The following EYS variants were observed in gnomAD, a reference collection of about 807,000 sequenced individuals.
EYS encodes the protein EGF-like photoreceptor maintenance factor.
EYS carries 250 observed loss-of-function variants against 282.1 expected under a neutral mutation model. The observed-to-expected ratio is 0.89, with a 90% confidence interval of 0.80 to 0.98. The LOEUF (loss-of-function observed/expected upper bound fraction) is 0.98, where lower values mean the gene tolerates loss of function less well. Ranked by LOEUF, EYS falls within the 50% of genes least tolerant of loss-of-function variation. The pLI, the probability that EYS is intolerant of heterozygous loss-of-function variation, is 0.00. For synonymous variants in EYS, 1,355 were observed against 1,282.9 expected, an observed-to-expected ratio of 1.06 and a Z score of -1.20; for missense variants, 4,016 against 3,709.0, an observed-to-expected ratio of 1.08 and a Z score of -2.15.
chr6:64,529,645 T>C (rs1764257081), intron 26 of EYS, among the ~76,000 whole-genome samples: 1 of 152,070 alleles, frequency 6.6e-6, no homozygotes, highest in Admixed American at 6.6e-5. Context: ...TTTTATGAGA[T>C]TGTTTTGGTA....
intron 2 of EYS, among the ~76,000 whole-genome samples, chr6:65,612,299 T>C (rs192615321): frequency 1.3e-5 from 2 of 151,496 alleles, no homozygotes; most frequent in Admixed American, 6.6e-5. Flanking sequence ...AATCAAAAGA[T>C]AATTCAGAGC....
chr6:65,056,199 G>A (rs1052012498), intron 13 of EYS, among the ~76,000 whole-genome samples: 32 of 151,792 alleles, frequency 2.1e-4, no homozygotes, highest in African/African-American at 3.1e-4. Context: ...CCATTGGCTC[G>A]CTTTGACTTA....
intron 36 of EYS, among the ~76,000 whole-genome samples, chr6:63,851,238 C>T (rs1023315203): frequency 6.6e-6 from 1 of 152,146 alleles, no homozygotes; most frequent in African/African-American, 2.4e-5. Flanking sequence ...GACTGTAACA[C>T]CCCACTGGCA....
At chr6:64,293,323 T>A (rs1450764211) in intron 30 of EYS, among the ~76,000 whole-genome samples, 1 of 152,132 alleles carries the variant, frequency 6.6e-6, no homozygotes, top group Admixed American at 6.6e-5. Flanking sequence ...GCTTTATAAC[T>A]TACTCCCTTT....
intron 2 of EYS, among the ~76,000 whole-genome samples, chr6:65,577,754 A>AC (rs903182471): frequency 5.3e-5 from 8 of 151,426 alleles, no homozygotes; most frequent in African/African-American, 1.9e-4. Flanking sequence ...CTGTTTTAAA[A>AC]AAAAAAAAAA....
At chr6:64,625,437 G>A (rs1369560073) in intron 23 of EYS, among the ~76,000 whole-genome samples, 1 of 152,152 alleles carries the variant, frequency 6.6e-6, no homozygotes, top group Non-Finnish European at 1.5e-5. Flanking sequence ...ACAAGTTGAT[G>A]ACAGATCCTG....
intron 1 of EYS, among the ~76,000 whole-genome samples, chr6:65,643,632 A>C (rs1767353995): frequency 6.6e-6 from 1 of 152,102 alleles, no homozygotes; most frequent in South Asian, 2.1e-4. Context: ...ACACAAAACC[A>C]GTGCACTGAA....
chr6:64,019,021 C>G (rs552354146), intron 33 of EYS, among the ~76,000 whole-genome samples: 5 of 152,160 alleles, frequency 3.3e-5, no homozygotes, highest in African/African-American at 1.2e-4. Flanking sequence ...GTGATCCACC[C>G]ACCTTGGCCT....
At chr6:64,381,198 C>G (rs1287709305) in intron 29 of EYS, among the ~76,000 whole-genome samples, 1 of 152,056 alleles carries the variant, frequency 6.6e-6, no homozygotes, top group Non-Finnish European at 1.5e-5. Context: ...ACTAACGGTT[C>G]TTTATACTAA....
At chr6:65,395,254 G>A (rs1582235745) in intron 7 of EYS, among the ~76,000 whole-genome samples, 1 of 152,062 alleles carries the variant, frequency 6.6e-6, no homozygotes, top group African/African-American at 2.4e-5. Flanking sequence ...GTAGAGATGG[G>A]GTTTCTCCAT....
At chr6:65,229,463 G>A (rs1582042196) in intron 12 of EYS, among the ~76,000 whole-genome samples, 1 of 151,794 alleles carries the variant, frequency 6.6e-6, no homozygotes. Context: ...GACCAAATTG[G>A]TGGAGAAAAG....
intron 29 of EYS, among the ~76,000 whole-genome samples, chr6:64,386,261 A>G (rs559074922): frequency 9.6e-4 from 146 of 152,332 alleles, no homozygotes; most frequent in Middle Eastern, 3.4e-3. Context: ...CTGTTCTCAC[A>G]TTGCTAATAA....
chr6:64,733,655 T>C lies in EYS; in HGVS notation c.3443+79723A>G, dbSNP rs140124271. The C allele has an allele frequency of 5.5e-3, 870 of 156,948 alleles. 2 individuals carry two copies. Among genetic ancestry groups the C allele is most frequent in the Non-Finnish European group, 8.3e-3 (587 of 70,624 alleles). 9.7% of individuals were successfully genotyped at this position (156,948 alleles called of 1,614,324 possible). On this transcript the variant is annotated intron_variant, in intron 22 of 42. Transcript: ENST00000503581. The stretch of plus-strand genomic sequence containing the variant: ...GGGCGATGATGACATCATCTAGTTC[T>C]AACTCAGAGAGCTCAGATTGGGTCT...
Position 65,225,354 on chromosome 6 carries a change from T to C in EYS, c.2023+70509A>G, listed in dbSNP as rs1036187375. Among the ~76,000 whole-genome samples the C allele has an allele frequency of 2.4e-4, 36 of 151,212 alleles. 1 individual carries two copies. Among genetic ancestry groups the C allele is most frequent in the Non-Finnish European group, 4.7e-4 (32 of 67,838 alleles). On this transcript the variant is annotated intron_variant, in intron 12 of 42. Coordinates refer to ENST00000503581, the MANE Select transcript of EYS (RefSeq NM_001142800.2). ...ATATAAAGCAGCATATTAAAAATGGTAAAAACATTGTATACCCTCACCAAG... is the reference window on the plus strand; with the variant it reads ...ATATAAAGCAGCATATTAAAAATGGCAAAAACATTGTATACCCTCACCAAG...
chr6:63,738,174 T>C (rs1768973709), intron 41 of EYS, among the ~76,000 whole-genome samples: 1 of 152,142 alleles, frequency 6.6e-6, no homozygotes, highest in Non-Finnish European at 1.5e-5. Context: ...TGGAAGTCAG[T>C]GTGGAGATTC....
chr6:65,519,782 C>T (rs1457289951), intron 2 of EYS, among the ~76,000 whole-genome samples: 1 of 131,794 alleles, frequency 7.6e-6, no homozygotes, highest in African/African-American at 2.9e-5. Context: ...GTGGAGTGCT[C>T]ACAGTTCACT....
intron 18 of EYS, among the ~76,000 whole-genome samples, chr6:64,890,471 C>T (rs1257295838): frequency 1.3e-5 from 2 of 152,114 alleles, no homozygotes; most frequent in Non-Finnish European, 2.9e-5. Flanking sequence ...AAATTTCCCT[C>T]TTTTGTACGC....
chr6:65,275,389 C>T (rs907060452), intron 12 of EYS, among the ~76,000 whole-genome samples: 9 of 152,156 alleles, frequency 5.9e-5, no homozygotes, highest in East Asian at 1.9e-4. Context: ...CCTTACATAG[C>T]AGCACTTCAT....
chr6:65,680,856 T>G (rs981223434), intron 1 of EYS, among the ~76,000 whole-genome samples: 2 of 151,916 alleles, frequency 1.3e-5, no homozygotes, highest in Non-Finnish European at 2.9e-5. Context: ...TACCTCGATG[T>G]AGCAACTGAG....
Sources: gnomAD v4.1 joint callset for allele counts (sites outside exome capture counted in the v4.1 genomes callset) on GRCh38, gnomAD v4.1.1 for gene constraint, MANE v1.5 for transcripts, NCBI Gene and HGNC (gene_info 2026-07-23, HGNC 2026-07-21) for gene names.